Variants in CNTNAP5 observed in about 807,000 individuals in gnomAD.
CNTNAP5 encodes the protein contactin-associated protein-like 5.
Under a neutral mutation model 150.2 loss-of-function variants are expected in CNTNAP5, and 72 were observed. The ratio of observed to expected loss-of-function variants is 0.48; its 90% CI spans 0.40 to 0.58. The LOEUF is 0.58. CNTNAP5 is among the 20% of genes least tolerant of loss of function. The pLI is 0.00. For synonymous variants in CNTNAP5, 672 were observed against 619.8 expected (o/e 1.08, Z -1.25); for missense variants, 1,636 against 1,626.2 (o/e 1.01, Z -0.10).
intron 1 of CNTNAP5, among the ~76,000 whole-genome samples, chr2:124,131,567 T>A (rs145320087): frequency 4.5e-4 from 68 of 152,310 alleles, no homozygotes; most frequent in African/African-American, 1.3e-3. Context: ...GATAGGTGAC[T>A]GATCGGGGGT....
rs148767453 is a variant in CNTNAP5, at chr2:124,544,202, A to G, written c.1649+16746A>G. Reference sequence around the variant, plus strand: ...GATCATCTTGGAGATACAAGAGAGTATCCATGCAAGGCTAGTTAGTGCTTG... The same window carrying G: ...GATCATCTTGGAGATACAAGAGAGTGTCCATGCAAGGCTAGTTAGTGCTTG... On this transcript the variant is annotated intron_variant, in intron 10 of 23. Coordinates refer to ENST00000682447, the MANE Select transcript of CNTNAP5 (RefSeq NM_001367498.1). Among the ~76,000 whole-genome samples, 918 of 152,306 alleles carry G rather than the reference A, an allele frequency of 6.0e-3. 6 individuals are homozygous for G. Among genetic ancestry groups the G allele is most frequent in the African/African-American group, 0.021 (867 of 41,576 alleles).
chr2:124,325,688 C>T lies in CNTNAP5; in HGVS notation c.381+83295C>T, dbSNP rs558971362. ...GCTCCCTGAGCCTCTATTTCTCTAC[C>T]TCTCAAATATGAAAGGGAGGTGAGG... On this transcript the variant is annotated intron_variant, in intron 3 of 23. Transcript: ENST00000682447. Among the ~76,000 whole-genome samples, 42 of 152,302 alleles carry T rather than the reference C, an allele frequency of 2.8e-4. No individual in the cohort carries two copies. In the South Asian group the frequency reaches 6.2e-3, roughly 23 times the overall value.
At chr2:124,872,558 A>G (rs1053575148) in intron 21 of CNTNAP5, among the ~76,000 whole-genome samples, 1 of 151,890 alleles carries the variant, frequency 6.6e-6, no homozygotes, top group Non-Finnish European at 1.5e-5. Flanking sequence ...ATTTAGGACA[A>G]TTTTAATTTC....
At chr2:124,060,763 G>T (rs528488764) in intron 1 of CNTNAP5, among the ~76,000 whole-genome samples, 1 of 152,182 alleles carries the variant, frequency 6.6e-6, no homozygotes, top group Non-Finnish European at 1.5e-5. Flanking sequence ...GGGCTTTCTA[G>T]TCAAGCTCTC....
chr2:124,575,808 G>T (rs1486728056), intron 11 of CNTNAP5, among the ~76,000 whole-genome samples: 2 of 152,164 alleles, frequency 1.3e-5, no homozygotes, highest in Admixed American at 1.3e-4. Context: ...GGTATTGAGA[G>T]AATGGAGTTC....
rs942798326 is a variant in CNTNAP5 at position 124,315,441 on chromosome 2, G to A, written c.381+73048G>A. Among the ~76,000 whole-genome samples, 3 of 152,202 alleles carry A rather than the reference G, an allele frequency of 2.0e-5. No homozygotes were observed. The East Asian group carries it at 5.8e-4, about 29-fold the overall frequency. On this transcript the variant is annotated intron_variant, in intron 3 of 23. Transcript: ENST00000682447. ...CAAGGGTTCCAAGGAGGTGCCTCAG[G>A]GTTTGCTTTGGGCCAAGGTAGAAGC... is the stretch of plus-strand genomic sequence containing the variant.
intron 13 of CNTNAP5, among the ~76,000 whole-genome samples, chr2:124,655,960 A>AAAG (rs1264734523): frequency 7.7e-5 from 11 of 142,562 alleles, no homozygotes; most frequent in Non-Finnish European, 1.5e-4. Flanking sequence ...AGAAAGAAAG[A>AAAG]AAGAAAGAAA....
chr2:124,167,460 C>T (rs1009500364), intron 1 of CNTNAP5, among the ~76,000 whole-genome samples: 1 of 152,124 alleles, frequency 6.6e-6, no homozygotes, highest in African/African-American at 2.4e-5. Context: ...TCTCACTTTT[C>T]TCAACACTGC....
At chr2:124,123,107 C>T (rs767001788) in intron 1 of CNTNAP5, among the ~76,000 whole-genome samples, 3 of 152,012 alleles carry the variant, frequency 2.0e-5, no homozygotes, top group Non-Finnish European at 4.4e-5. Flanking sequence ...TGAGGCATCA[C>T]CTCACCCAGG....
intron 13 of CNTNAP5, among the ~76,000 whole-genome samples, chr2:124,726,971 C>T (rs1680169484): frequency 6.6e-6 from 1 of 151,962 alleles, no homozygotes; most frequent in Non-Finnish European, 1.5e-5. Context: ...AGGTACAGGT[C>T]TTTTGTTTAA....
intron 4 of CNTNAP5, among the ~76,000 whole-genome samples, chr2:124,428,803 T>A (rs1045647968): frequency 6.6e-6 from 1 of 152,100 alleles, no homozygotes; most frequent in African/African-American, 2.4e-5. Context: ...GGAAATGGAT[T>A]CAGAGAAAGA....
chr2:124,603,304 G>A lies in CNTNAP5; in HGVS notation c.1757-6497G>A, dbSNP rs78382821. Among the ~76,000 whole-genome samples the A allele has an allele frequency of 4.8e-3, 731 of 152,182 alleles. 4 individuals are homozygous for A. Among genetic ancestry groups the A allele is most frequent in the African/African-American group, 0.017 (695 of 41,528 alleles). On this transcript the variant is annotated intron_variant, in intron 11 of 23. Transcript: ENST00000682447. ...AATTGGTGTTTAGATCTTGGGGCTC[G>A]AATACATTTATCTTCAATTTTTGTG... is the stretch of plus-strand genomic sequence containing the variant.
intron 16 of CNTNAP5, among the ~76,000 whole-genome samples, chr2:124,765,356 A>T (rs1276558806): frequency 1.3e-5 from 2 of 152,142 alleles, no homozygotes; most frequent in African/African-American, 4.8e-5. Context: ...ATTTTGTCTC[A>T]AACCTCTGTG....
intron 1 of CNTNAP5, among the ~76,000 whole-genome samples, chr2:124,036,798 G>A (rs888153761): frequency 2.0e-5 from 3 of 152,142 alleles, no homozygotes; most frequent in Non-Finnish European, 4.4e-5. Flanking sequence ...TCTAGGCTGA[G>A]GATATACTGG....
chr2:124,574,715 T>C (rs1696238700), intron 11 of CNTNAP5, among the ~76,000 whole-genome samples: 2 of 152,232 alleles, frequency 1.3e-5, no homozygotes, highest in Admixed American at 6.5e-5. Flanking sequence ...CAGTATAATT[T>C]ATCAGTATTT....
chr2:124,366,652 T>C (rs1690378929), intron 3 of CNTNAP5, among the ~76,000 whole-genome samples: 1 of 152,318 alleles, frequency 6.6e-6, no homozygotes, highest in Admixed American at 6.5e-5. Context: ...GGTGTTATTT[T>C]AATGACAAAC....
At chr2:124,642,948 T>C (rs759589283) in intron 12 of CNTNAP5, among the ~76,000 whole-genome samples, 1 of 152,206 alleles carries the variant, frequency 6.6e-6, no homozygotes, top group Non-Finnish European at 1.5e-5. Context: ...TTGGAAGCCA[T>C]GGGGCACAGT....
At chr2:124,740,891 T>A (rs1002527548) in intron 13 of CNTNAP5, among the ~76,000 whole-genome samples, 2 of 152,066 alleles carry the variant, frequency 1.3e-5, no homozygotes, top group Admixed American at 1.3e-4. Context: ...GAAGGGCAGG[T>A]GGAAACATGC....
intron 5 of CNTNAP5, among the ~76,000 whole-genome samples, chr2:124,439,201 A>G (rs1692614924): frequency 6.6e-6 from 1 of 152,138 alleles, no homozygotes; most frequent in Non-Finnish European, 1.5e-5. Flanking sequence ...GGGGAGAAAA[A>G]CAGGTATTTC....
Sources: gnomAD v4.1 joint callset for allele counts (sites outside exome capture counted in the v4.1 genomes callset) on GRCh38, gnomAD v4.1.1 for gene constraint, MANE v1.5 for transcripts, NCBI Gene and HGNC (gene_info 2026-07-23, HGNC 2026-07-21) for gene names.